The following NRG3 variants were observed in gnomAD, a reference collection of about 807,000 sequenced individuals.
The protein encoded by NRG3 is neuregulin 3.
In NRG3, 31 loss-of-function variants were observed where a neutral mutation model predicts 66.9. That is an observed-to-expected ratio of 0.46 (90% CI 0.35 to 0.63). The LOEUF (loss-of-function observed/expected upper bound fraction) is 0.63. Ranked by LOEUF, NRG3 falls within the 20% of genes least tolerant of loss-of-function variation. The probability of loss-of-function intolerance (pLI) is 0.00; values close to 1 mark genes in which losing one functional copy is unlikely to be tolerated. For synonymous variants in NRG3, 393 were observed against 359.4 expected, an observed-to-expected ratio of 1.09 and a Z score of -1.06; for missense variants, 910 against 878.9, an observed-to-expected ratio of 1.04 and a Z score of -0.45.
intron 2 of NRG3, among the ~76,000 whole-genome samples, chr10:82,513,087 C>T (rs1284768341): frequency 6.6e-6 from 1 of 152,186 alleles, no homozygotes; most frequent in African/African-American, 2.4e-5. Context: ...CATTAGCTAT[C>T]TATCCTGATG....
rs556468513 is a variant in NRG3, at chr10:82,316,304, G to T, written c.824-42435G>T. Among the ~76,000 whole-genome samples, 7 of 152,274 alleles carry T rather than the reference G, an allele frequency of 4.6e-5. No homozygotes were observed. In the East Asian group the frequency reaches 1.4e-3, roughly 29 times the overall value. ...ATGTGCTGGAATACAAGGACACTCT[G>T]GTGTTGGGAACGACTGCATTAACAA... On this transcript the variant is annotated intron_variant, in intron 1 of 8. Coordinates refer to ENST00000372141, the MANE Select transcript of NRG3 (RefSeq NM_001010848.4).
At chr10:82,631,661 AT>A (rs1473299905) in intron 2 of NRG3, among the ~76,000 whole-genome samples, 5 of 141,758 alleles carry the variant, frequency 3.5e-5, no homozygotes, top group African/African-American at 1.3e-4. Context: ...TCCTTTTTTG[AT>A]CTCATGTTCT....
At chr10:82,781,737 A>G (rs1334393373) in intron 3 of NRG3, among the ~76,000 whole-genome samples, 2 of 152,088 alleles carry the variant, frequency 1.3e-5, no homozygotes, top group Non-Finnish European at 2.9e-5. Flanking sequence ...TTTGAACTCT[A>G]AGTATGTGGT....
intron 1 of NRG3, among the ~76,000 whole-genome samples, chr10:81,900,798 G>A (rs1223060210): frequency 6.6e-6 from 1 of 152,098 alleles, no homozygotes; most frequent in African/African-American, 2.4e-5. Flanking sequence ...AATATTCAGG[G>A]CATTTGTTAT....
At chr10:82,391,344 A>T (rs539323379) in intron 2 of NRG3, among the ~76,000 whole-genome samples, 3 of 152,326 alleles carry the variant, frequency 2.0e-5, no homozygotes, top group Middle Eastern at 3.4e-3. Flanking sequence ...CAAAAGAGGT[A>T]TAAGGGGTTA....
At chr10:82,642,998 G>A (rs1237744194) in intron 2 of NRG3, among the ~76,000 whole-genome samples, 3 of 152,032 alleles carry the variant, frequency 2.0e-5, no homozygotes, top group East Asian at 3.9e-4. Context: ...TAATTTTAGG[G>A]CGGAAGGTAG....
chr10:82,553,336 A>G lies in NRG3; in HGVS notation c.954-185241A>G, dbSNP rs538075110. On this transcript the variant is annotated intron_variant, in intron 2 of 8. Transcript: ENST00000372141. ...ATAACTAGTGAGAACCGCACCCCCC[A>G]CACAATCACCACTTCATGTTTTCTA... is the stretch of plus-strand genomic sequence containing the variant. Among the ~76,000 whole-genome samples, 10 of 152,086 alleles carry G rather than the reference A, an allele frequency of 6.6e-5. No homozygotes were observed. The South Asian group carries it at 2.1e-3, about 32-fold the overall frequency.
At chr10:82,715,455 A>G (rs1345740505) in intron 2 of NRG3, among the ~76,000 whole-genome samples, 1 of 152,182 alleles carries the variant, frequency 6.6e-6, no homozygotes, top group Non-Finnish European at 1.5e-5. Flanking sequence ...CTGGAGTCCT[A>G]CAGTGACAGC....
At chr10:82,574,695 A>G (rs1247078750) in intron 2 of NRG3, among the ~76,000 whole-genome samples, 4 of 151,806 alleles carry the variant, frequency 2.6e-5, no homozygotes, top group Non-Finnish European at 5.9e-5. Flanking sequence ...TGTGGTATAC[A>G]TACATAATGC....
intron 4 of NRG3, among the ~76,000 whole-genome samples, chr10:82,939,540 G>T (rs1452486850): frequency 6.6e-6 from 1 of 151,886 alleles, no homozygotes; most frequent in Non-Finnish European, 1.5e-5. Flanking sequence ...GGTGCAATCT[G>T]CTCACTGCAA....
chr10:82,140,892 T>C, intron 1 of NRG3, among the ~76,000 whole-genome samples: 1 of 152,136 alleles, frequency 6.6e-6, no homozygotes, highest in Non-Finnish European at 1.5e-5. Flanking sequence ...AAACACTGGA[T>C]AGTGTTAGCC....
chr10:82,461,237 ACCACCACCACTG>A (rs1242921829), intron 2 of NRG3, among the ~76,000 whole-genome samples: 1 of 150,198 alleles, frequency 6.7e-6, no homozygotes, highest in East Asian at 2.0e-4. Flanking sequence ...CACCACCACC[ACCACCACCACTG>A]CCACCACCAC....
chr10:82,794,996 A>G (rs1317692355), intron 3 of NRG3, among the ~76,000 whole-genome samples: 1 of 152,216 alleles, frequency 6.6e-6, no homozygotes, highest in Non-Finnish European at 1.5e-5. Context: ...ACAGAAATCA[A>G]TTTCTTCTCT....
chr10:82,123,460 T>G (rs1193548283), intron 1 of NRG3, among the ~76,000 whole-genome samples: 3 of 152,188 alleles, frequency 2.0e-5, no homozygotes, highest in Admixed American at 6.5e-5. Context: ...CAGTTTATGT[T>G]ACTTTCACTG....
At chr10:82,702,868 G>C (rs1397940089) in intron 2 of NRG3, among the ~76,000 whole-genome samples, 1 of 152,042 alleles carries the variant, frequency 6.6e-6, no homozygotes, top group African/African-American at 2.4e-5. Context: ...TGCTTTGAAA[G>C]TGCTGTAGTC....
chr10:82,261,476 C>T (rs983203006), intron 1 of NRG3, among the ~76,000 whole-genome samples: 2 of 151,950 alleles, frequency 1.3e-5, no homozygotes, highest in East Asian at 1.9e-4. Flanking sequence ...CCAGCTGGGT[C>T]GTGGAGACCT....
intron 2 of NRG3, among the ~76,000 whole-genome samples, chr10:82,579,724 T>C (rs1029928379): frequency 2.6e-5 from 4 of 151,972 alleles, no homozygotes; most frequent in African/African-American, 9.7e-5. Flanking sequence ...TTTCACCAGG[T>C]GTAGGAAACT....
intron 2 of NRG3, among the ~76,000 whole-genome samples, chr10:82,446,365 G>A (rs1210424946): frequency 6.6e-6 from 1 of 152,108 alleles, no homozygotes; most frequent in African/African-American, 2.4e-5. Context: ...GTTCACAATA[G>A]CAAAGACATG....
intron 3 of NRG3, among the ~76,000 whole-genome samples, chr10:82,740,440 C>T (rs771164810): frequency 2.0e-5 from 3 of 152,074 alleles, no homozygotes; most frequent in Non-Finnish European, 4.4e-5. Context: ...AGGGGGTCAC[C>T]ATAATGACTA....
Sources: gnomAD v4.1 joint callset for allele counts (sites outside exome capture counted in the v4.1 genomes callset) on GRCh38, gnomAD v4.1.1 for gene constraint, MANE v1.5 for transcripts, NCBI Gene and HGNC (gene_info 2026-07-23, HGNC 2026-07-21) for gene names.